The following GRID1 variants were observed in gnomAD, a reference collection of about 807,000 sequenced individuals.
GRID1 encodes the protein glutamate ionotropic receptor delta type subunit 1, also known as glutamate receptor ionotropic, delta-1.
In GRID1, 28 loss-of-function variants were observed where a neutral mutation model predicts 98.0. The observed-to-expected ratio is 0.29, with a 90% confidence interval of 0.21 to 0.39. The LOEUF is 0.39. GRID1 is among the 10% of genes least tolerant of loss of function. GRID1 has a pLI of 1.00. For missense variants in GRID1, 1,111 were observed against 1,340.5 expected (o/e 0.83, Z 2.67); for synonymous variants, 553 against 538.5 (o/e 1.03, Z -0.37).
chr10:85,667,499 C>G (rs1233634653), intron 12 of GRID1, among the ~76,000 whole-genome samples: 1 of 152,182 alleles, frequency 6.6e-6, no homozygotes. Flanking sequence ...TAGGTTGTCC[C>G]TATTATTATT....
At chr10:86,154,057 T>C (rs1845208964) in intron 3 of GRID1, among the ~76,000 whole-genome samples, 1 of 151,728 alleles carries the variant, frequency 6.6e-6, no homozygotes, top group South Asian at 2.1e-4. Flanking sequence ...AATGCCAGAG[T>C]TGCTCTTGGG....
chr10:86,353,718 G>A (rs11201988), intron 2 of GRID1, among the ~76,000 whole-genome samples: 12,132 of 152,310 alleles, frequency 0.08, 692 homozygotes, highest in Non-Finnish European at 0.13. Flanking sequence ...GCCCAGGCTG[G>A]CAAACTGCAG....
intron 2 of GRID1, among the ~76,000 whole-genome samples, chr10:86,296,515 G>C (rs571095136): frequency 6.6e-6 from 1 of 152,262 alleles, no homozygotes; most frequent in East Asian, 1.9e-4. Context: ...GAGGCAGGCA[G>C]ATCACTTGAG....
At chr10:85,757,942 A>T (rs1842114428) in intron 8 of GRID1, among the ~76,000 whole-genome samples, 1 of 152,248 alleles carries the variant, frequency 6.6e-6, no homozygotes, top group Non-Finnish European at 1.5e-5. Context: ...CAGAAAGGCC[A>T]GGTAGGCAGG....
At chr10:86,185,255 ATTC>A (rs1295836328) in intron 3 of GRID1, among the ~76,000 whole-genome samples, 1 of 152,072 alleles carries the variant, frequency 6.6e-6, no homozygotes, top group Non-Finnish European at 1.5e-5. Context: ...TGTAAATAGT[ATTC>A]TTCTTTATTT....
rs1033028703 is a variant in GRID1, at chr10:85,724,445, C to T, written c.1765G>A (p.Val589Met). 6.8e-6 allele frequency: 11 copies of T among 1,614,018 alleles called. No homozygotes were observed. The highest frequency in any genetic ancestry group is 9.3e-6 in the Non-Finnish European group (11 of 1,180,014). ...GGCTGGGCAGCACTCTGAGCCCTCACAGCCTGTATCCTGTTCAACACAAAT... is the reference window on the plus strand; with the variant it reads ...GGCTGGGCAGCACTCTGAGCCCTCATAGCCTGTATCCTGTTCAACACAAAT... ...LIFVLNRIQA[V>M]RAQSAAQPRP... Residue 589 changes from valine to methionine, a missense_variant, in exon 11 of 16, where the codon GTG becomes ATG. By Grantham distance (21) the Val-to-Met change is conservative (BLOSUM62 1). Around this residue, in one of 3 missense-constraint regions of GRID1, gnomAD observed 762 missense variants for 869.1 expected, o/e 0.88. Coordinates refer to ENST00000327946, the MANE Select transcript of GRID1 (RefSeq NM_017551.3).
chr10:86,338,426 G>A (rs779223532), intron 2 of GRID1, among the ~76,000 whole-genome samples: 16 of 152,254 alleles, frequency 1.1e-4, no homozygotes, highest in East Asian at 1.9e-4. Context: ...CTACAGCCCC[G>A]AATCCAGCCT....
chr10:85,648,406 G>A (rs2132554053), intron 12 of GRID1, among the ~76,000 whole-genome samples: 1 of 152,238 alleles, frequency 6.6e-6, no homozygotes, highest in East Asian at 1.9e-4. Flanking sequence ...AAGCCCAGTG[G>A]GGAGCCAGCC....
chr10:86,180,089 G>A (rs1431804502), intron 3 of GRID1, among the ~76,000 whole-genome samples: 1 of 152,234 alleles, frequency 6.6e-6, no homozygotes, highest in Non-Finnish European at 1.5e-5. Context: ...GGGCGGAGCA[G>A]GAGCAGGCTG....
chr10:86,116,817 G>A (rs1273237489), intron 4 of GRID1, among the ~76,000 whole-genome samples: 1 of 152,130 alleles, frequency 6.6e-6, no homozygotes, highest in East Asian at 1.9e-4. Flanking sequence ...TGCCAGCCCA[G>A]AATGTAGCAC....
At chr10:86,050,366 C>A in intron 4 of GRID1, among the ~76,000 whole-genome samples, 1 of 152,270 alleles carries the variant, frequency 6.6e-6, no homozygotes, top group South Asian at 2.1e-4. Flanking sequence ...ACATTTTAAA[C>A]ATTTATTTAT....
intron 13 of GRID1, 23 bp downstream of exon 13, chr10:85,647,179 C>A (rs375141144): frequency 1.2e-6 from 2 of 1,605,162 alleles, no homozygotes; most frequent in African/African-American, 2.7e-5. Context: ...AGTGCACGTG[C>A]CCAAGCGCCA....
intron 4 of GRID1, among the ~76,000 whole-genome samples, chr10:85,936,047 C>T (rs1226156761): frequency 6.6e-6 from 1 of 152,082 alleles, no homozygotes; most frequent in Non-Finnish European, 1.5e-5. Flanking sequence ...AACACAGACA[C>T]ATACACAGGT....
At chr10:86,279,111 A>G (rs984501589) in intron 2 of GRID1, among the ~76,000 whole-genome samples, 1 of 152,160 alleles carries the variant, frequency 6.6e-6, no homozygotes, top group Non-Finnish European at 1.5e-5. Flanking sequence ...AGCTCTCATG[A>G]ATGTTATGAA....
At chr10:85,975,602 C>T (rs11201859) in intron 4 of GRID1, among the ~76,000 whole-genome samples, 5 of 152,258 alleles carry the variant, frequency 3.3e-5, no homozygotes, top group Non-Finnish European at 2.9e-5. Context: ...GGCCTCCCTG[C>T]GGAAAATGAG....
At chr10:85,800,170 A>G (rs527466654) in intron 8 of GRID1, among the ~76,000 whole-genome samples, 1 of 152,110 alleles carries the variant, frequency 6.6e-6, no homozygotes, top group South Asian at 2.1e-4. Context: ...CAAAAAAAAA[A>G]ACTCTAAAAC....
At chr10:85,663,710 CA>C (rs1840990800) in intron 12 of GRID1, among the ~76,000 whole-genome samples, 2 of 152,190 alleles carry the variant, frequency 1.3e-5, no homozygotes, top group Admixed American at 1.3e-4. Context: ...TTTTTATCTC[CA>C]GAGCCTGACA....
At chr10:86,151,266 T>C (rs1025941719) in intron 3 of GRID1, among the ~76,000 whole-genome samples, 1 of 152,128 alleles carries the variant, frequency 6.6e-6, no homozygotes, top group Admixed American at 6.5e-5. Flanking sequence ...CTGAGGTAGG[T>C]GCCTGGCACA....
chr10:86,192,614 G>C lies in GRID1; in HGVS notation c.520+13750C>G, dbSNP rs1845821619. Reference sequence around the variant, plus strand: ...GAGAACCTTCTGGAGATGAACGGTAGTGACTGCAATATGACTGTACTTAAC... The same window carrying C: ...GAGAACCTTCTGGAGATGAACGGTACTGACTGCAATATGACTGTACTTAAC... On this transcript the variant is annotated intron_variant, in intron 3 of 15. Transcript: ENST00000327946. The surrounding 1 kb of genome is among the most constrained non-coding windows in gnomAD (Gnocchi z 4.8). Among the ~76,000 whole-genome samples, 1 of 150,350 alleles carries C rather than the reference G, an allele frequency of 6.7e-6. No individual in the cohort carries two copies. Among genetic ancestry groups the C allele is most frequent in the African/African-American group, 2.4e-5 (1 of 41,300 alleles).
Sources: allele counts gnomAD v4.1 joint callset (sites outside exome capture counted in the v4.1 genomes callset), GRCh38; gene constraint gnomAD v4.1.1; regional missense constraint gnomAD v4.1.1; non-coding constraint Gnocchi (gnomAD v3.1); transcripts MANE v1.5; gene names NCBI Gene and HGNC (gene_info 2026-07-23, HGNC 2026-07-21).